Variants in ATF6B observed in about 807,000 individuals in gnomAD.
ATF6B encodes cyclic AMP-dependent transcription factor ATF-6 beta.
Under a neutral mutation model 83.5 loss-of-function variants are expected in ATF6B, and 50 were observed. That is an observed-to-expected ratio of 0.60 (90% CI 0.48 to 0.76). ATF6B has a LOEUF of 0.76. Ranked by LOEUF, ATF6B falls within the 30% of genes least tolerant of loss-of-function variation. The pLI is 0.00. For synonymous variants in ATF6B, 344 were observed against 362.8 expected (o/e 0.95, Z 0.59); for missense variants, 790 against 893.8 (o/e 0.88, Z 1.48).
At position 32,127,469 on chromosome 6, in the gene ATF6B, G is replaced by A; in HGVS notation, c.223C>T (p.Pro75Ser). ...GGGAAGATCGGCAGGAGTTCCCATG[G>A]GGGCTCAGAGGGGCTGACATCCATC... ...VGMDVSPSEPPWELLPIFPDL... is the reference protein window; with the variant it reads ...VGMDVSPSEPSWELLPIFPDL... The change falls in exon 3 of 18, where the codon CCA becomes TCA. Residue 75 changes from proline to serine, a missense_variant. By Grantham distance (74) the Pro-to-Ser change is moderately conservative. Coordinates refer to ENST00000375203, the MANE Select transcript of ATF6B (RefSeq NM_004381.5). The A allele has an allele frequency of 1.9e-6, 3 of 1,613,076 alleles. No homozygotes were observed. Among genetic ancestry groups the A allele is most frequent in the Non-Finnish European group, 2.5e-6 (3 of 1,179,302 alleles).
In ATF6B at chr6:32,115,980, GGA is replaced by G; in HGVS notation, c.1883-14_1883-13del. 1.2e-6 allele frequency: 2 copies of G among 1,603,348 alleles called. No individual in the cohort carries two copies. Among genetic ancestry groups the G allele is most frequent in the Non-Finnish European group, 1.7e-6 (2 of 1,171,778 alleles). ...GCCTGACAGGGTCTCTGTGAGAAGG[GGA>G]GAGTTAAGGAAGAGGAGATGGGGAG... On this transcript the variant is annotated splice_polypyrimidine_tract_variant and intron_variant, in intron 17 of 17. Transcript: ENST00000375203.
intron 5 of ATF6B, 40 bp downstream of exon 5, chr6:32,126,077 C>T (rs1022220637): frequency 8.1e-6 from 13 of 1,612,606 alleles, no homozygotes; most frequent in South Asian, 7.7e-5. Flanking sequence ...CACATTCTCC[C>T]GTAGTAGAGC....
intron 5 of ATF6B, among the ~76,000 whole-genome samples, chr6:32,122,797 C>A (rs111687518): frequency 1.4e-5 from 2 of 147,322 alleles, no homozygotes; most frequent in Non-Finnish European, 3.0e-5. Flanking sequence ...TGCAGTGAGC[C>A]GAGATTGCGC....
At position 32,116,773 on chromosome 6, in the gene ATF6B, A is replaced by G; in HGVS notation, c.1728T>C (p.Arg576=). 6.2e-7 allele frequency: 1 copy of G among 1,614,138 alleles called. No homozygotes were observed. Among genetic ancestry groups the G allele is most frequent in the Middle Eastern group, 1.6e-4 (1 of 6,062 alleles). The stretch of plus-strand genomic sequence containing the variant: ...TTGCATCCAAGAATGCTGGCTGCGA[A>G]CGGTCTGGGTGGCGATATAGTTGCA... ...GQLQLYRHPD[R]SQPAFLDAID... is the part of the protein sequence containing the mutation. The change falls in exon 16 of 18, where the codon CGT becomes CGC. Residue 576 remains arginine, a synonymous_variant. Transcript: ENST00000375203. The surrounding 1 kb of genome is among the most constrained non-coding windows in gnomAD (Gnocchi z 5.1).
In ATF6B at chr6:32,116,776, G is replaced by C. The variant is rs764918512; in HGVS notation, c.1725C>G (p.Asp575Glu). Residue 575 changes from aspartate to glutamate, a missense_variant, in exon 16 of 18, where the codon GAC becomes GAG. Coordinates refer to ENST00000375203, the MANE Select transcript of ATF6B (RefSeq NM_004381.5). The surrounding 1 kb of genome is among the most constrained non-coding windows in gnomAD (Gnocchi z 5.1). Reference protein sequence around the residue: ...VGQLQLYRHPDRSQPAFLDAI... With the variant: ...VGQLQLYRHPERSQPAFLDAI... The stretch of plus-strand genomic sequence containing the variant: ...CATCCAAGAATGCTGGCTGCGAACG[G>C]TCTGGGTGGCGATATAGTTGCAGCT... 2 of 1,614,050 alleles carry C rather than the reference G, an allele frequency of 1.2e-6. No homozygotes were observed. Among genetic ancestry groups the C allele is most frequent in the African/African-American group, 1.3e-5 (1 of 74,912 alleles).
chr6:32,117,563 A>G lies in ATF6B; in HGVS notation c.1532+24T>C, dbSNP rs1429535104. 2 of 1,609,934 alleles carry G rather than the reference A, an allele frequency of 1.2e-6. No homozygotes were observed. Among genetic ancestry groups the G allele is most frequent in the Non-Finnish European group, 1.7e-6 (2 of 1,176,824 alleles). On this transcript the variant is annotated intron_variant, in intron 13 of 17. Coordinates refer to ENST00000375203, the MANE Select transcript of ATF6B (RefSeq NM_004381.5). The surrounding 1 kb of genome is among the most constrained non-coding windows in gnomAD (Gnocchi z 5.0). ...GGCCTTGGGAGGCCGGGGGAGCTGG[A>G]TGCCCCAGCAATGAATCCCACACCT...
At chr6:32,124,255 G>A (rs975675719) in intron 5 of ATF6B, among the ~76,000 whole-genome samples, 1 of 152,048 alleles carries the variant, frequency 6.6e-6, no homozygotes, top group African/African-American at 2.4e-5. Flanking sequence ...CATCTTCCCT[G>A]ACCAGAAAGC....
chr6:32,117,280 CTT>C lies in ATF6B; in HGVS notation c.1614+41_1614+42del. The C allele has an allele frequency of 6.2e-7, 1 of 1,600,858 alleles. No individual in the cohort carries two copies. Among genetic ancestry groups the C allele is most frequent in the Non-Finnish European group, 8.5e-7 (1 of 1,171,514 alleles). ...AAATCCCCAGACAAGGCCTTTAGCC[CTT>C]GTCTTCAAGTGGCCTTCCTTGAACC... is the stretch of plus-strand genomic sequence containing the variant. On this transcript the variant is annotated intron_variant, in intron 14 of 17. Transcript: ENST00000375203. The surrounding 1 kb of genome is among the most constrained non-coding windows in gnomAD (Gnocchi z 5.0).
At position 32,118,795 on chromosome 6, in the gene ATF6B, G is replaced by A. The variant is rs978138673; in HGVS notation, c.1224C>T (p.Ala408=). 3 of 1,614,264 alleles carry A rather than the reference G, an allele frequency of 1.9e-6. No homozygotes were observed. Among genetic ancestry groups the A allele is most frequent in the Admixed American group, 3.3e-5 (2 of 60,026 alleles). The change falls in exon 11 of 18, where the codon GCC becomes GCT. Residue 408 remains alanine, a synonymous_variant. Transcript: ENST00000375203. This position sits in a 1 kb window ranked among gnomAD's most constrained non-coding sequence, Gnocchi z 5.2. The part of the protein sequence containing the change: ...VCIMVFLLFI[A]FNFGPVSISE... ...CTCACCTGACAGGTCCAAAGTTGAA[G>A]GCAATGAAGAGAAGGAAGACCATGA...
chr6:32,117,528 G>A lies in ATF6B; in HGVS notation c.1532+59C>T, dbSNP rs1781578294. The A allele has an allele frequency of 7.5e-6, 12 of 1,596,396 alleles. No homozygotes were observed. The highest frequency in any genetic ancestry group is 9.4e-6 in the Non-Finnish European group (11 of 1,167,344). On this transcript the variant is annotated intron_variant, in intron 13 of 17. Coordinates refer to ENST00000375203, the MANE Select transcript of ATF6B (RefSeq NM_004381.5). The surrounding 1 kb of genome is among the most constrained non-coding windows in gnomAD (Gnocchi z 5.0). The stretch of plus-strand genomic sequence containing the variant: ...CTTTAGTACACAGGCCAGCCAGGCT[G>A]ACTGCAGAAGGCCTTGGGAGGCCGG...
intron 5 of ATF6B, among the ~76,000 whole-genome samples, chr6:32,122,483 T>C (rs922277827): frequency 6.6e-5 from 10 of 152,200 alleles, no homozygotes; most frequent in African/African-American, 2.4e-4. Flanking sequence ...TTTTTAAAAC[T>C]TCAATTTATA....
Position 32,118,853 on chromosome 6 carries a change from T to C in ATF6B, c.1166A>G (p.Lys389Arg), listed in dbSNP as rs146039592. 45 of 1,614,098 alleles carry C rather than the reference T, an allele frequency of 2.8e-5. No individual in the cohort carries two copies. The highest frequency in any genetic ancestry group is 3.6e-5 in the Non-Finnish European group (42 of 1,180,056). The change falls in exon 11 of 18, where the codon AAG (lysine) becomes AGG (arginine). Residue 389 changes from lysine (K) to arginine (R), a missense_variant. Around this residue, in one of 3 missense-constraint regions of ATF6B, gnomAD observed 530 missense variants for 632.6 expected, o/e 0.84. Transcript: ENST00000375203. This position sits in a 1 kb window ranked among gnomAD's most constrained non-coding sequence, Gnocchi z 5.2. ...EALLAENSEL[K>R]LGSGNRKVVC... ...CACCTTCCTGTTTCCAGACCCTAAC[T>C]TGAGCTCGCTGTTCTAAGGTACAAA... is the stretch of plus-strand genomic sequence containing the variant.
intron 6 of ATF6B, 59 bp downstream of exon 6, chr6:32,121,204 C>T: frequency 1.2e-6 from 2 of 1,610,174 alleles, no homozygotes; most frequent in Non-Finnish European, 1.7e-6. Context: ...GCTCTCATAC[C>T]TCTAGGTCAG....
rs972165357 is a variant in ATF6B, at chr6:32,127,657, T to C, written c.171+14A>G. The C allele has an allele frequency of 6.2e-7, 1 of 1,614,048 alleles. No homozygotes were observed. The highest frequency in any genetic ancestry group is 1.3e-5 in the African/African-American group (1 of 74,930). On this transcript the variant is annotated intron_variant, in intron 2 of 17. Transcript: ENST00000375203. ...CACCCACCAAGGGTTAGAGAAAGGC[T>C]GGGGACACAATACCGGGACATCCTG...
At chr6:32,122,833 G>A (rs1231440629) in intron 5 of ATF6B, among the ~76,000 whole-genome samples, 8 of 143,196 alleles carry the variant, frequency 5.6e-5, no homozygotes, top group African/African-American at 1.8e-4. Flanking sequence ...TGGGTAGAGC[G>A]AGACTCTGTC....
rs760354187 is a variant in ATF6B at position 32,119,001 on chromosome 6, T to C, written c.1107A>G (p.Arg369=). 3 of 1,614,010 alleles carry C rather than the reference T, an allele frequency of 1.9e-6. No homozygotes were observed. The highest frequency in any genetic ancestry group is 1.7e-6 in the Non-Finnish European group (2 of 1,180,002). The part of the protein sequence containing the change: ...AVLADNQQLR[R]ENAALRRRLE... ...GCCGCCGCCGGAGGGCAGCATTCTC[T>C]CGGCGGAGCTGCTGGTTGTCAGCCA... Residue 369 remains arginine (R), a synonymous_variant, in exon 10 of 18, where the codon CGA becomes CGG. Coordinates refer to ENST00000375203, the MANE Select transcript of ATF6B (RefSeq NM_004381.5). This position sits in a 1 kb window ranked among gnomAD's most constrained non-coding sequence, Gnocchi z 4.9.
At chr6:32,127,804 C>G (rs1375817504) in intron 1 of ATF6B, 54 bp from the exon 2 acceptor site, 7 of 1,570,014 alleles carry the variant, frequency 4.5e-6, no homozygotes, top group Non-Finnish European at 6.1e-6. Flanking sequence ...GCCTACAGAT[C>G]GCACACAAGC....
chr6:32,117,887 G>A lies in ATF6B; in HGVS notation c.1396C>T (p.Pro466Ser). The A allele has an allele frequency of 6.3e-7, 1 of 1,575,718 alleles. No homozygotes were observed. Among genetic ancestry groups the A allele is most frequent in the South Asian group, 1.2e-5 (1 of 83,982 alleles). ...GSSQGPKEPQ[P>S]SPTDQPSFSN... The stretch of plus-strand genomic sequence containing the variant: ...AAACTGGGCTGGTCTGTGGGGCTGG[G>A]CTGGGGCTCCTTAGGGCCCTGGGAG... The change falls in exon 12 of 18, where the codon CCC becomes TCC. Residue 466 changes from proline to serine, a missense_variant. Physicochemically the swap from Pro to Ser is moderately conservative, Grantham distance 74. Transcript: ENST00000375203. This position sits in a 1 kb window ranked among gnomAD's most constrained non-coding sequence, Gnocchi z 5.0.
Position 32,127,098 on chromosome 6 carries a change from C to T in ATF6B, c.342+5G>A. 6.3e-7 allele frequency: 1 copy of T among 1,584,392 alleles called. No individual in the cohort carries two copies. Among genetic ancestry groups the T allele is most frequent in the Non-Finnish European group, 8.6e-7 (1 of 1,164,796 alleles). On this transcript the variant is annotated splice_donor_5th_base_variant and intron_variant, in intron 4 of 17. Transcript: ENST00000375203. ...CAGAGAGTAAGAGGGATATGGCTCTCTCACCTCGCTGGATGGCTCTGTGGA... is the reference window on the plus strand; with the variant it reads ...CAGAGAGTAAGAGGGATATGGCTCTTTCACCTCGCTGGATGGCTCTGTGGA...
Sources: gnomAD v4.1 joint callset for allele counts (sites outside exome capture counted in the v4.1 genomes callset) on GRCh38, gnomAD v4.1.1 for gene constraint, gnomAD v4.1.1 regional missense constraint, Gnocchi (gnomAD v3.1) non-coding constraint, MANE v1.5 for transcripts, NCBI Gene and HGNC (gene_info 2026-07-23, HGNC 2026-07-21) for gene names.